The following PCDHAC1 variants were observed in gnomAD, a reference collection of about 807,000 sequenced individuals.
The protein encoded by PCDHAC1 is protocadherin alpha subfamily C, 1.
In PCDHAC1, 42 loss-of-function variants were observed where a neutral mutation model predicts 60.0. The ratio of observed to expected loss-of-function variants is 0.70; its 90% CI spans 0.55 to 0.90. PCDHAC1 has a LOEUF of 0.90. Ranked by LOEUF, PCDHAC1 falls within the 40% of genes least tolerant of loss-of-function variation. The pLI is 0.00. For missense variants in PCDHAC1, 1,160 were observed against 1,222.3 expected, an observed-to-expected ratio of 0.95 and a Z score of 0.76; for synonymous variants, 468 against 499.3, an observed-to-expected ratio of 0.94 and a Z score of 0.84.
chr5:140,973,582 T>C lies in PCDHAC1; in HGVS notation c.2434-5367T>C, dbSNP rs76146918. Among the ~76,000 whole-genome samples the C allele has an allele frequency of 4.6e-3, 708 of 152,364 alleles. 4 individuals are homozygous for C. The highest frequency in any genetic ancestry group is 0.016 in the African/African-American group (685 of 41,596). On this transcript the variant is annotated intron_variant, in intron 1 of 3. Coordinates refer to ENST00000253807, the MANE Select transcript of PCDHAC1 (RefSeq NM_018898.5). ...TTTCCTCAATTTTTCTACAGACTGC[T>C]GAGCCAGATGGAATTATGGCTGAGC...
intron 1 of PCDHAC1, chr5:140,969,314 G>T (rs200006206): frequency 6.2e-7 from 1 of 1,614,150 alleles, no homozygotes; most frequent in African/African-American, 1.3e-5. Context: ...CAAAAATGAG[G>T]CTGTTTCTCA....
chr5:140,978,057 T>C (rs527562348), intron 1 of PCDHAC1, among the ~76,000 whole-genome samples: 1 of 152,304 alleles, frequency 6.6e-6, no homozygotes, highest in South Asian at 2.1e-4. Context: ...ACTGATGATG[T>C]CCCAGTGATT....
intron 1 of PCDHAC1, among the ~76,000 whole-genome samples, chr5:140,950,430 A>T (rs1312660380): frequency 6.6e-6 from 1 of 151,876 alleles, no homozygotes; most frequent in Admixed American, 6.6e-5. Context: ...TCTTCCACTT[A>T]AAAAAAATGT....
At chr5:140,990,862 AT>A (rs2097420167) in intron 3 of PCDHAC1, among the ~76,000 whole-genome samples, 1 of 152,198 alleles carries the variant, frequency 6.6e-6, no homozygotes, top group Non-Finnish European at 1.5e-5. Flanking sequence ...AGGACATTGT[AT>A]TTTAAGTGTA....
chr5:140,968,328 A>AT (rs1554230627), intron 1 of PCDHAC1: 1 of 1,614,076 alleles, frequency 6.2e-7, no homozygotes, highest in South Asian at 1.1e-5. Flanking sequence ...GTCACCTCCT[A>AT]TGTCTCCATT....
At chr5:140,990,007 C>T (rs1188956345) in intron 3 of PCDHAC1, among the ~76,000 whole-genome samples, 2 of 151,870 alleles carry the variant, frequency 1.3e-5, no homozygotes, top group African/African-American at 2.4e-5. Flanking sequence ...TCTCCAAGGG[C>T]GTGGGCTAGG....
At chr5:140,994,222 C>T (rs2097605581) in intron 3 of PCDHAC1, among the ~76,000 whole-genome samples, 1 of 152,168 alleles carries the variant, frequency 6.6e-6, no homozygotes, top group Admixed American at 6.5e-5. Context: ...CAGGGTCTGT[C>T]TATGTTATAA....
In PCDHAC1 at chr5:140,927,058, C is replaced by G. The variant is rs376173105; in HGVS notation, c.166C>G (p.Arg56Gly). Reference protein sequence around the residue: ...PAAAMSSRNFRFLSSHRELYF... With the variant: ...PAAAMSSRNFGFLSSHRELYF... ...GGCCGCTATGTCCTCGCGGAACTTT[C>G]GCTTCCTTTCCAGCCACCGCGAGCT... Residue 56 changes from arginine to glycine, a missense_variant, in exon 1 of 4, where the codon CGC becomes GGC. Coordinates refer to ENST00000253807, the MANE Select transcript of PCDHAC1 (RefSeq NM_018898.5). 17 of 1,611,136 alleles carry G rather than the reference C, an allele frequency of 1.1e-5. No homozygotes were observed. The South Asian group carries it at 1.2e-4, about 11-fold the overall frequency.
chr5:141,000,417 A>ATTT (rs1563652061), intron 3 of PCDHAC1, among the ~76,000 whole-genome samples: 30 of 77,716 alleles, frequency 3.9e-4, no homozygotes, highest in South Asian at 4.7e-4. Flanking sequence ...ATATATATAT[A>ATTT]TATATTTTTT....
chr5:140,932,032 A>G (rs2087965086), intron 1 of PCDHAC1, among the ~76,000 whole-genome samples: 1 of 151,934 alleles, frequency 6.6e-6, no homozygotes, highest in African/African-American at 2.4e-5. Context: ...TTTACAGTAT[A>G]TATTAACATA....
At chr5:140,991,247 T>C (rs1211585397) in intron 3 of PCDHAC1, among the ~76,000 whole-genome samples, 1 of 152,200 alleles carries the variant, frequency 6.6e-6, no homozygotes, top group Non-Finnish European at 1.5e-5. Flanking sequence ...AAAGGCAGTA[T>C]TTGAACTCAT....
chr5:140,979,522 A>G (rs576025092), intron 2 of PCDHAC1, among the ~76,000 whole-genome samples: 1 of 152,098 alleles, frequency 6.6e-6, no homozygotes, highest in South Asian at 2.1e-4. Context: ...ATCTGTTGCT[A>G]TCTTATTGTC....
chr5:140,963,021 G>A (rs2095729854), intron 1 of PCDHAC1, among the ~76,000 whole-genome samples: 1 of 152,150 alleles, frequency 6.6e-6, no homozygotes, highest in Non-Finnish European at 1.5e-5. Flanking sequence ...AGAAAATGAA[G>A]CAATTAACAT....
At chr5:140,981,849 T>C (rs1460050544) in intron 2 of PCDHAC1, among the ~76,000 whole-genome samples, 2 of 152,202 alleles carry the variant, frequency 1.3e-5, no homozygotes, top group African/African-American at 4.8e-5. Flanking sequence ...AGTTTGTATC[T>C]CACTCCCAGC....
intron 3 of PCDHAC1, among the ~76,000 whole-genome samples, chr5:141,007,101 A>T (rs1412645072): frequency 6.6e-5 from 10 of 152,188 alleles, no homozygotes; most frequent in African/African-American, 1.7e-4. Flanking sequence ...TCTAGGGCCA[A>T]ACCCAAGGAA....
intron 1 of PCDHAC1, among the ~76,000 whole-genome samples, chr5:140,942,305 G>A (rs2093264176): frequency 6.6e-6 from 1 of 152,106 alleles, no homozygotes; most frequent in Non-Finnish European, 1.5e-5. Context: ...AGCTACTTGG[G>A]AGGTCGAGGC....
intron 3 of PCDHAC1, among the ~76,000 whole-genome samples, chr5:140,985,476 T>C (rs1554247100): frequency 6.6e-6 from 1 of 152,162 alleles, no homozygotes; most frequent in Admixed American, 6.6e-5. Flanking sequence ...ATTTGGTTGT[T>C]TCCAGACTCA....
chr5:140,959,780 A>G (rs2095510657), intron 1 of PCDHAC1, among the ~76,000 whole-genome samples: 1 of 152,262 alleles, frequency 6.6e-6, no homozygotes. Flanking sequence ...AACAGTGTAT[A>G]TTAACATGGC....
At chr5:140,980,173 G>GA (rs2096879198) in intron 2 of PCDHAC1, among the ~76,000 whole-genome samples, 1 of 152,162 alleles carries the variant, frequency 6.6e-6, no homozygotes, top group Non-Finnish European at 1.5e-5. Flanking sequence ...GGTATCAGAA[G>GA]AAATTCTTTA....
Sources: gnomAD v4.1 joint callset for allele counts (sites outside exome capture counted in the v4.1 genomes callset) on GRCh38, gnomAD v4.1.1 for gene constraint, MANE v1.5 for transcripts, NCBI Gene and HGNC (gene_info 2026-07-23, HGNC 2026-07-21) for gene names.